The following MACF1 variants were observed in gnomAD, a reference collection of about 807,000 sequenced individuals.
The protein encoded by MACF1 is microtubule-actin cross-linking factor 1.
Under a neutral mutation model 854.8 loss-of-function variants are expected in MACF1, and 193 were observed. The ratio of observed to expected loss-of-function variants is 0.23; its 90% CI spans 0.20 to 0.25. The LOEUF is 0.25. Ranked by LOEUF, MACF1 falls within the 10% of genes least tolerant of loss-of-function variation. MACF1 has a pLI of 1.00. For missense variants in MACF1, 7,722 were observed against 8,929.1 expected, an observed-to-expected ratio of 0.86 and a Z score of 5.45; for synonymous variants, 3,185 against 3,226.7, an observed-to-expected ratio of 0.99 and a Z score of 0.44.
At chr1:39,156,358 G>A (rs547037264) in intron 2 of MACF1, among the ~76,000 whole-genome samples, 79 of 152,240 alleles carry the variant, frequency 5.2e-4, no homozygotes, top group African/African-American at 1.8e-3. Context: ...GGTGGCTTAC[G>A]CCAGGCCCCC....
chr1:39,319,538 A>T, intron 30 of MACF1, 126 bp from the exon 31 acceptor site: 1 of 639,904 alleles, frequency 1.6e-6, no homozygotes, highest in Non-Finnish European at 2.7e-6. Context: ...TATGTGTTTT[A>T]ACCACCCTTT....
chr1:39,372,192 A>C (rs1182043194), intron 51 of MACF1, among the ~76,000 whole-genome samples: 1 of 152,190 alleles, frequency 6.6e-6, no homozygotes, highest in African/African-American at 2.4e-5. Flanking sequence ...TGGAATTCAC[A>C]GACTGTCCAT....
intron 51 of MACF1, among the ~76,000 whole-genome samples, chr1:39,371,045 C>T (rs1429058911): frequency 6.6e-6 from 1 of 151,968 alleles, no homozygotes; most frequent in Non-Finnish European, 1.5e-5. Context: ...AATGGCCAGG[C>T]GCAGTGGCTC....
intron 2 of MACF1, among the ~76,000 whole-genome samples, chr1:39,232,028 C>T (rs1291302526): frequency 6.7e-6 from 1 of 149,882 alleles, no homozygotes; most frequent in African/African-American, 2.4e-5. Flanking sequence ...TTATTATTAT[C>T]ATTATTATTA....
chr1:39,463,083 T>C (rs1570170237), intron 93 of MACF1, among the ~76,000 whole-genome samples: 1 of 152,254 alleles, frequency 6.6e-6, no homozygotes, highest in Admixed American at 6.5e-5. Flanking sequence ...ACTTGGGAAT[T>C]TTCTTTCATG....
rs745686071 is a variant in MACF1, at chr1:39,119,317, C to CAA, written c.220+34899_220+34900dup. ...GGGCAACAAGAGCGAAACTCCGTCT[C>CAA]AAAAAAAAAAAAAAAAAAAAACAAC... On this transcript the variant is annotated intron_variant, in intron 2 of 93. Coordinates refer to the MACF1 transcript ENST00000361689. 2.2e-3 allele frequency among the ~76,000 whole-genome samples: 187 copies of CAA among 84,406 alleles called. 2 individuals carry two copies. The highest frequency in any genetic ancestry group is 0.01 in the South Asian group (25 of 2,414). 55.4% of individuals were successfully genotyped at this position (84,406 alleles called of 152,430 possible).
intron 58 of MACF1, among the ~76,000 whole-genome samples, chr1:39,419,384 T>G (rs1048349438): frequency 6.6e-6 from 1 of 152,180 alleles, no homozygotes; most frequent in African/African-American, 2.4e-5. Flanking sequence ...ACATCCAAAA[T>G]GCAAAATGCT....
chr1:39,118,003 C>T (rs1165978635), intron 2 of MACF1, among the ~76,000 whole-genome samples: 1 of 152,214 alleles, frequency 6.6e-6, no homozygotes, highest in Non-Finnish European at 1.5e-5. Flanking sequence ...CTCTGATATC[C>T]TTTCTAGTCA....
chr1:39,232,700 T>C (rs1644791598), intron 2 of MACF1, among the ~76,000 whole-genome samples: 2 of 151,882 alleles, frequency 1.3e-5, no homozygotes, highest in Admixed American at 6.6e-5. Context: ...AGCTGGGCTT[T>C]ATGAAAACTA....
At chr1:39,302,133 A>G (rs1571299464) in intron 22 of MACF1, among the ~76,000 whole-genome samples, 1 of 152,034 alleles carries the variant, frequency 6.6e-6, no homozygotes, top group African/African-American at 2.4e-5. Flanking sequence ...AGTGGCTGGG[A>G]CTACAGGCAT....
At chr1:39,310,784 A>G (rs746446027) in intron 25 of MACF1, 47 bp from the exon 26 acceptor site, 1 of 1,548,744 alleles carries the variant, frequency 6.5e-7, no homozygotes, top group Non-Finnish European at 8.7e-7. Flanking sequence ...AGGTCTGCTT[A>G]TCTCTGATGT....
chr1:39,107,093 C>T (rs550047701), intron 2 of MACF1, among the ~76,000 whole-genome samples: 10 of 152,208 alleles, frequency 6.6e-5, no homozygotes, highest in African/African-American at 2.2e-4. Flanking sequence ...GTTTCCTTTG[C>T]AGGCTTTTGA....
intron 58 of MACF1, among the ~76,000 whole-genome samples, chr1:39,402,448 A>G (rs1642515238): frequency 6.6e-6 from 1 of 152,132 alleles, no homozygotes; most frequent in South Asian, 2.1e-4. Flanking sequence ...TTTAGAGCAC[A>G]TAGTAGATAC....
At chr1:39,093,715 A>T (rs898124833) in intron 2 of MACF1, among the ~76,000 whole-genome samples, 16 of 151,494 alleles carry the variant, frequency 1.1e-4, no homozygotes, top group African/African-American at 3.9e-4. Context: ...TAATCTCTTG[A>T]CCTTGTGATC....
intron 6 of MACF1, among the ~76,000 whole-genome samples, chr1:39,262,621 T>C (rs1308569048): frequency 6.6e-6 from 1 of 152,134 alleles, no homozygotes; most frequent in Admixed American, 6.6e-5. Flanking sequence ...ATTATAATTA[T>C]TAATTGACCT....
intron 44 of MACF1, among the ~76,000 whole-genome samples, chr1:39,355,074 A>T (rs1647413672): frequency 1.3e-5 from 2 of 152,214 alleles, no homozygotes; most frequent in Non-Finnish European, 2.9e-5. Context: ...TTATAGAAAA[A>T]ATATTGGCTT....
Position 39,468,738 on chromosome 1 carries a change from G to C in MACF1, c.21889+6G>C. The C allele has an allele frequency of 6.2e-7, 1 of 1,611,368 alleles. No individual in the cohort carries two copies. The highest frequency in any genetic ancestry group is 8.5e-7 in the Non-Finnish European group (1 of 1,177,480). On this transcript the variant is annotated splice_donor_region_variant and intron_variant, in intron 96 of 100. Coordinates refer to ENST00000564288, the MANE Select transcript of MACF1 (RefSeq NM_001394062.1). ...GAAAAATGATCCCTGCCGAGGTAAG[G>C]AACCATTCTAAGCATGAATTACGTG...
At chr1:39,453,134 T>C (rs1316000859) in intron 87 of MACF1, among the ~76,000 whole-genome samples, 1 of 152,212 alleles carries the variant, frequency 6.6e-6, no homozygotes, top group Non-Finnish European at 1.5e-5. Context: ...TTGCCTTATG[T>C]TACCAGCTTT....
At chr1:39,303,518 C>G (rs1646094612) in intron 23 of MACF1, among the ~76,000 whole-genome samples, 2 of 151,244 alleles carry the variant, frequency 1.3e-5, no homozygotes, top group Admixed American at 6.6e-5. Context: ...CCACTGCACT[C>G]TAGCTGCCTG....
Sources: allele counts gnomAD v4.1 joint callset (sites outside exome capture counted in the v4.1 genomes callset), GRCh38; gene constraint gnomAD v4.1.1; transcripts MANE v1.5; gene names NCBI Gene and HGNC (gene_info 2026-07-23, HGNC 2026-07-21).